TMEM232: variants seen among roughly 807,000 people sequenced by gnomAD.
TMEM232 encodes transmembrane protein 232.
A neutral mutation model predicts 78.8 loss-of-function variants in TMEM232; 80 were observed. That is an observed-to-expected ratio of 1.01 (90% CI 0.85 to 1.22). The LOEUF is 1.22. Ranked by LOEUF, TMEM232 falls within the 50% of genes most tolerant of loss-of-function variation. The pLI, the probability that TMEM232 is intolerant of heterozygous loss-of-function variation, is 0.00. For missense variants in TMEM232, 881 were observed against 742.2 expected (o/e 1.19, Z -2.17); for synonymous variants, 297 against 254.3 (o/e 1.17, Z -1.60).
intron 12 of TMEM232, among the ~76,000 whole-genome samples, chr5:110,513,490 A>G (rs997974343): frequency 1.3e-5 from 2 of 152,126 alleles, no homozygotes; most frequent in Non-Finnish European, 2.9e-5. Flanking sequence ...AAAAAAGGGG[A>G]AAAAACCCAA....
chr5:110,731,564 C>T (rs911796892), upstream of TMEM232, among the ~76,000 whole-genome samples: 3 of 152,374 alleles, frequency 2.0e-5, no homozygotes, highest in South Asian at 2.1e-4. Flanking sequence ...GCAGGCTCAA[C>T]ACCACATGGA....
chr5:110,669,816 G>C (rs1055570947), intron 1 of TMEM232, among the ~76,000 whole-genome samples: 1 of 151,776 alleles, frequency 6.6e-6, no homozygotes, highest in African/African-American at 2.4e-5. Flanking sequence ...GGGATGCAAG[G>C]CTGGTTCAAT....
chr5:110,727,920 A>T (rs1237337976), upstream of TMEM232, among the ~76,000 whole-genome samples: 2 of 152,302 alleles, frequency 1.3e-5, no homozygotes, highest in East Asian at 3.9e-4. Flanking sequence ...CATAATCCAG[A>T]TAAAATAAAA....
chr5:110,565,243 G>C (rs547986392), intron 11 of TMEM232, among the ~76,000 whole-genome samples: 1 of 151,776 alleles, frequency 6.6e-6, no homozygotes, highest in African/African-American at 2.4e-5. Context: ...TTTTATCTCA[G>C]TATATTTTAT....
At chr5:110,684,166 C>A (rs1793104379) in intron 1 of TMEM232, among the ~76,000 whole-genome samples, 1 of 151,762 alleles carries the variant, frequency 6.6e-6, no homozygotes, top group Non-Finnish European at 1.5e-5. Context: ...AAAAGGGTGT[C>A]TATATCATTA....
rs535016139 is a variant in TMEM232 at position 110,658,392 on chromosome 5, A to G, written c.125+8836T>C. Among the ~76,000 whole-genome samples, 4 of 152,212 alleles carry G rather than the reference A, an allele frequency of 2.6e-5. No homozygotes were observed. The South Asian group carries it at 8.3e-4, about 32-fold the overall frequency. On this transcript the variant is annotated intron_variant, in intron 2 of 13. Transcript: ENST00000455884. ...TACGTTTCTGTTTCAGTCTTAGCAA[A>G]TGGAATACCGTCTTAAGCTTTGAAA... is the stretch of plus-strand genomic sequence containing the variant.
intron 10 of TMEM232, among the ~76,000 whole-genome samples, chr5:110,585,404 C>T (rs1375467905): frequency 6.6e-6 from 1 of 152,028 alleles, no homozygotes; most frequent in Non-Finnish European, 1.5e-5. Flanking sequence ...GAAGTCTCAC[C>T]TCTATGGTTA....
At position 110,667,280 on chromosome 5, in the gene TMEM232, G is replaced by C. The variant is rs554845418; in HGVS notation, c.73C>G (p.Leu25Val). 163 of 1,545,948 alleles carry C rather than the reference G, an allele frequency of 1.1e-4. 5 individuals carry two copies. In the South Asian group the frequency reaches 1.6e-3, roughly 15 times the overall value. The change falls in exon 2 of 14, where the codon CTC becomes GTC. Residue 25 changes from leucine (L) to valine (V), a missense_variant. Coordinates refer to ENST00000455884, the MANE Select transcript of TMEM232 (RefSeq NM_001039763.4). ...AAATGTTGAAAATTTAATTTCCAGA[G>C]CTCTTCATGATAAGGGGAAGATATG... ...GGISSPYHEE[L>V]WKLNFQHLSG... is the part of the protein sequence containing the mutation.
intron 9 of TMEM232, 139 bp from the exon 10 acceptor site, chr5:110,605,497 A>C (rs1561372015): frequency 2.3e-6 from 2 of 886,288 alleles, no homozygotes; most frequent in Middle Eastern, 3.6e-4. Context: ...TGGGTTTACC[A>C]TGAGTAGACT....
At chr5:110,401,233 A>T (rs573132576) in intron 2 of TMEM232, among the ~76,000 whole-genome samples, 1 of 152,118 alleles carries the variant, frequency 6.6e-6, no homozygotes, top group East Asian at 1.9e-4. Context: ...AAGGTAATGC[A>T]TATAGTAAAA....
chr5:110,696,386 CG>C lies in TMEM232; in HGVS notation c.-12-29023del, dbSNP rs1316304491. On this transcript the variant is annotated intron_variant, in intron 1 of 13. Coordinates refer to ENST00000455884, the MANE Select transcript of TMEM232 (RefSeq NM_001039763.4). ...AAACTGGAAGCATTCCCTTTGAAAA[CG>C]GGCACAAGACAGGGATGCCCTCTCT... 4.6e-5 allele frequency among the ~76,000 whole-genome samples: 7 copies of C among 152,236 alleles called. No homozygotes were observed. The South Asian group carries it at 1.4e-3, about 32-fold the overall frequency.
At chr5:110,640,868 T>C in intron 4 of TMEM232, 23 bp downstream of exon 4, 1 of 1,453,000 alleles carries the variant, frequency 6.9e-7, no homozygotes, top group South Asian at 1.5e-5. Flanking sequence ...TTAGGATGCC[T>C]AATAAGAATT....
intron 2 of TMEM232, among the ~76,000 whole-genome samples, chr5:110,646,946 T>TTC (rs1787578630): frequency 6.6e-6 from 1 of 151,770 alleles, no homozygotes; most frequent in Non-Finnish European, 1.5e-5. Context: ...TTTGTTTTTT[T>TTC]TTCTTCTTCT....
chr5:110,618,855 T>C (rs915873381), intron 7 of TMEM232, among the ~76,000 whole-genome samples: 2 of 152,136 alleles, frequency 1.3e-5, no homozygotes, highest in Non-Finnish European at 2.9e-5. Context: ...TTAGACACAA[T>C]TGTGGTTCGT....
At chr5:110,539,326 A>C (rs10055240) in intron 11 of TMEM232, among the ~76,000 whole-genome samples, 23,514 of 152,128 alleles carry the variant, frequency 0.15, 4,356 homozygotes, top group African/African-American at 0.45. Context: ...CCTTGCAAGG[A>C]CCCCATCTTA....
chr5:110,611,715 T>A (rs956287123), intron 8 of TMEM232, among the ~76,000 whole-genome samples: 1 of 152,194 alleles, frequency 6.6e-6, no homozygotes, highest in East Asian at 1.9e-4. Context: ...AAGAGTGTTA[T>A]AGTCACAGTT....
At chr5:110,581,891 A>T (rs1280142922) in intron 10 of TMEM232, among the ~76,000 whole-genome samples, 1 of 152,074 alleles carries the variant, frequency 6.6e-6, no homozygotes, top group Non-Finnish European at 1.5e-5. Flanking sequence ...ACATGCATCC[A>T]AAAAGCATAT....
In TMEM232 at chr5:110,481,545, A is replaced by C. The variant is rs1763864186; in HGVS notation, c.1703+47043T>G. Among the ~76,000 whole-genome samples, 3 of 152,164 alleles carry C rather than the reference A, an allele frequency of 2.0e-5. No homozygotes were observed. The South Asian group carries it at 6.2e-4, about 31-fold the overall frequency. ...CCCTCCGCACACACACATAAACCAC[A>C]AATATCTAATATCAAAGCTGGAAAA... On this transcript the variant is annotated intron_variant, in intron 12 of 13. Coordinates refer to ENST00000455884, the MANE Select transcript of TMEM232 (RefSeq NM_001039763.4).
intron 11 of TMEM232, among the ~76,000 whole-genome samples, chr5:110,549,742 A>T (rs1774237279): frequency 6.6e-6 from 1 of 152,234 alleles, no homozygotes; most frequent in East Asian, 1.9e-4. Context: ...TAAAGACATT[A>T]AAAAGATCAT....
Sources: gnomAD v4.1 joint callset for allele counts (sites outside exome capture counted in the v4.1 genomes callset) on GRCh38, gnomAD v4.1.1 for gene constraint, MANE v1.5 for transcripts, NCBI Gene and HGNC (gene_info 2026-07-23, HGNC 2026-07-21) for gene names.